The following ENTPD2 variants were observed in gnomAD, a reference collection of about 807,000 sequenced individuals.
ENTPD2 encodes the protein CD39 antigen-like 1.
In ENTPD2, 48 loss-of-function variants were observed where a neutral mutation model predicts 46.8. The ratio of observed to expected loss-of-function variants is 1.03; its 90% CI spans 0.81 to 1.30. The LOEUF is 1.30. ENTPD2 is among the 50% of genes most tolerant of loss of function. The probability of loss-of-function intolerance (pLI) is 0.00; values close to 1 mark genes in which losing one functional copy is unlikely to be tolerated. For missense variants in ENTPD2, 707 were observed against 651.1 expected (o/e 1.09, Z -0.93); for synonymous variants, 316 against 286.1 (o/e 1.10, Z -1.06).
intron 3 of ENTPD2, 68 bp downstream of exon 3, chr9:137,051,442 G>A: frequency 5.8e-6 from 9 of 1,543,040 alleles, no homozygotes; most frequent in Non-Finnish European, 7.9e-6. Flanking sequence ...GGTGCTCGGA[G>A]TCCGCCCTGC....
chr9:137,048,874 C>T lies in ENTPD2; in HGVS notation c.1285-14G>A, dbSNP rs1327934537. 1.3e-6 allele frequency: 2 copies of T among 1,518,536 alleles called. No homozygotes were observed. The highest frequency in any genetic ancestry group is 1.8e-6 in the Non-Finnish European group (2 of 1,135,416). The allele number at this position is 1,518,536 out of a possible 1,614,324, so 94.1% of individuals were successfully genotyped here. ...AGTGTCCGCGGCCTGCGGGGAAGGG[C>T]GTGGCCTCAGCTCCCGAGAGGCCCC... On this transcript the variant is annotated splice_polypyrimidine_tract_variant and intron_variant, in intron 8 of 8. Transcript: ENST00000355097.
chr9:137,048,534 A>C lies in ENTPD2; in HGVS notation c.*123T>G. 3.2e-6 allele frequency: 2 copies of C among 617,766 alleles called. No homozygotes were observed. The highest frequency in any genetic ancestry group is 5.1e-6 in the Non-Finnish European group (2 of 389,540). 38.3% of individuals were successfully genotyped at this position (617,766 alleles called of 1,614,324 possible). ...TACAGGGGCGGGGAGAGAGGTTGGG[A>C]GAGGGGTGGGTGGAGGGGTGGGGAT... On this transcript the variant is annotated 3_prime_UTR_variant, in exon 9 of 9. Coordinates refer to ENST00000355097, the MANE Select transcript of ENTPD2 (RefSeq NM_203468.3).
rs573269541 is a variant in ENTPD2 at position 137,051,783 on chromosome 9, G to A, written c.236-123C>T. ...CCAGACCAGGTGGCACACCTTCCCT[G>A]CTTAAGCCCCCAGAAACGCCCAGGT... On this transcript the variant is annotated intron_variant, in intron 2 of 8. Transcript: ENST00000355097. 5.7e-6 allele frequency: 8 copies of A among 1,393,354 alleles called. No homozygotes were observed. In the Admixed American group the frequency reaches 2.1e-4, roughly 36 times the overall value. The allele number at this position is 1,393,354 out of a possible 1,614,324, so 86.3% of individuals were successfully genotyped here. A position where few individuals can be genotyped will look rare whatever the true frequency, so the allele number is the denominator to read the frequency against.
Position 137,048,651 on chromosome 9 carries a change from C to A in ENTPD2, c.*6G>T, listed in dbSNP as rs777613806. 6.4e-7 allele frequency: 1 copy of A among 1,571,574 alleles called. No individual in the cohort carries two copies. The highest frequency in any genetic ancestry group is 1.8e-5 in the Admixed American group (1 of 54,224). ...GGAGGGATGGGGCAGCTGCCCCCGT[C>A]GGCCCCTAAATGGTGCTTGGCAGCT... On this transcript the variant is annotated 3_prime_UTR_variant, in exon 9 of 9. Coordinates refer to ENST00000355097, the MANE Select transcript of ENTPD2 (RefSeq NM_203468.3).
chr9:137,052,875 G>A (rs1369995960), intron 1 of ENTPD2: 1 of 153,382 alleles, frequency 6.5e-6, no homozygotes, highest in African/African-American at 2.4e-5. Context: ...CTCAGAGCCA[G>A]GTCAGCTCTA....
intron 7 of ENTPD2, chr9:137,049,659 G>T: frequency 1.8e-6 from 1 of 560,162 alleles, no homozygotes; most frequent in Non-Finnish European, 3.1e-6. Flanking sequence ...CTGGGATGAG[G>T]GTCGGGCCTG....
chr9:137,053,339 G>A (rs1234728563), intron 1 of ENTPD2: 6 of 152,384 alleles, frequency 3.9e-5, no homozygotes, highest in Admixed American at 3.9e-4. Flanking sequence ...AACCTTTTGA[G>A]GACCGGCCAG....
chr9:137,049,830 C>T (rs1258219341), intron 7 of ENTPD2, 40 bp downstream of exon 7: 2 of 1,578,062 alleles, frequency 1.3e-6, no homozygotes, highest in African/African-American at 2.7e-5. Flanking sequence ...GGAGGCTGAG[C>T]CCTTCCGCAC....
In ENTPD2 at chr9:137,050,279, C is replaced by T. The variant is rs1481181832; in HGVS notation, c.1029+5G>A. 2 of 1,589,098 alleles carry T rather than the reference C, an allele frequency of 1.3e-6. No homozygotes were observed. The highest frequency in any genetic ancestry group is 1.7e-6 in the Non-Finnish European group (2 of 1,167,036). On this transcript the variant is annotated splice_donor_5th_base_variant and intron_variant, in intron 6 of 8. Transcript: ENST00000355097. Reference sequence around the variant, plus strand: ...GTTCCCAGCCACCCGCCTGCCCCTACTCACCACAAAGTTCCCAGCCACTGG... The same window carrying T: ...GTTCCCAGCCACCCGCCTGCCCCTATTCACCACAAAGTTCCCAGCCACTGG...
intron 1 of ENTPD2, 99 bp from the exon 2 acceptor site, chr9:137,052,447 C>CT: frequency 2.3e-6 from 2 of 882,908 alleles, no homozygotes; most frequent in South Asian, 3.1e-5. Flanking sequence ...CCACCGCTCC[C>CT]CCCCCCACCC....
chr9:137,051,450 T>C, intron 3 of ENTPD2, 60 bp downstream of exon 3: 1 of 1,546,554 alleles, frequency 6.5e-7, no homozygotes, highest in Non-Finnish European at 8.7e-7. Context: ...GAGTCCGCCC[T>C]GCAAGGGGTC....
At chr9:137,049,569 C>G in intron 7 of ENTPD2, 2 of 454,324 alleles carry the variant, frequency 4.4e-6, no homozygotes, top group South Asian at 4.8e-5. Context: ...CCACTTCCAT[C>G]TTCCCTTGTG....
At chr9:137,049,466 G>A (rs1832215987) in intron 7 of ENTPD2, 1 of 467,436 alleles carries the variant, frequency 2.1e-6, no homozygotes, top group Admixed American at 3.7e-5. Context: ...GGCCCTGGGA[G>A]GACAAAATGG....
intron 1 of ENTPD2, chr9:137,052,552 G>A (rs547422658): frequency 4.3e-5 from 21 of 490,104 alleles, no homozygotes; most frequent in Admixed American, 9.7e-5. Context: ...GTGGGGAGGT[G>A]ACTCTTCCCT....
In ENTPD2 at chr9:137,048,350, C is replaced by A; in HGVS notation, c.*307G>T. 1 of 335,156 alleles carries A rather than the reference C, an allele frequency of 3.0e-6. No individual in the cohort carries two copies. Among genetic ancestry groups the A allele is most frequent in the Non-Finnish European group, 5.5e-6 (1 of 181,166 alleles). 20.8% of individuals were successfully genotyped at this position (335,156 alleles called of 1,614,324 possible). A position where few individuals can be genotyped will look rare whatever the true frequency, so the allele number is the denominator to read the frequency against. ...GAGGGGTTCAAGGAGCTGGATTGAG[C>A]GCTCTTTGCCCACCCAGGCTCCTGT... On this transcript the variant is annotated 3_prime_UTR_variant, in exon 9 of 9. Coordinates refer to ENST00000355097, the MANE Select transcript of ENTPD2 (RefSeq NM_203468.3).
chr9:137,048,904 C>T, intron 8 of ENTPD2, 37 bp downstream of exon 8: 2 of 1,486,024 alleles, frequency 1.3e-6, no homozygotes, highest in Non-Finnish European at 1.8e-6. Flanking sequence ...GGCCCCGCCC[C>T]GCAAGGTCGG....
rs753620776 is a variant in ENTPD2 at position 137,051,208 on chromosome 9, C to T, written c.546+3G>A. The stretch of plus-strand genomic sequence containing the variant: ...TGGCTCTTTGGCTGGCTGCTGGGCC[C>T]ACCTTGATGAAGTTCTCCAGCAGGT... On this transcript the variant is annotated splice_donor_region_variant and intron_variant, in intron 4 of 8. Coordinates refer to ENST00000355097, the MANE Select transcript of ENTPD2 (RefSeq NM_203468.3). The T allele has an allele frequency of 1.4e-5, 22 of 1,612,456 alleles. No homozygotes were observed. Among genetic ancestry groups the T allele is most frequent in the Middle Eastern group, 3.3e-4 (2 of 6,084 alleles).
At chr9:137,050,590 C>T (rs1024416026) in intron 5 of ENTPD2, 52 bp from the exon 6 acceptor site, 3 of 1,585,330 alleles carry the variant, frequency 1.9e-6, no homozygotes, top group Non-Finnish European at 2.6e-6. Flanking sequence ...TCCAGAGGAC[C>T]AGCCTGACAA....
In ENTPD2 at chr9:137,048,938, C is replaced by CCCCCCCAAA; in HGVS notation, c.1284+2_1284+3insTTTGGGGGG. ...GGCCCCGCCCCGCCCCGCCCCAGCC[C>CCCCCCCAAA]ACCTTCTTCTGGAAGATCACGCCGC... On this transcript the variant is annotated splice_region_variant and intron_variant, in intron 8 of 8. Transcript: ENST00000355097. The CCCCCCCAAA allele has an allele frequency of 1.3e-6, 2 of 1,520,014 alleles. No homozygotes were observed. The highest frequency in any genetic ancestry group is 1.8e-6 in the Non-Finnish European group (2 of 1,134,434). The allele number at this position is 1,520,014 out of a possible 1,614,324, so 94.2% of individuals were successfully genotyped here. A position where few individuals can be genotyped will look rare whatever the true frequency, so the allele number is the denominator to read the frequency against.
Sources: allele counts gnomAD v4.1 joint callset, GRCh38; gene constraint gnomAD v4.1.1; transcripts MANE v1.5; gene names NCBI Gene and HGNC (gene_info 2026-07-23, HGNC 2026-07-21).